The following SBF2 variants were observed in gnomAD, a reference collection of about 807,000 sequenced individuals.
SBF2 encodes SET binding factor 2.
Under a neutral mutation model 225.2 loss-of-function variants are expected in SBF2, and 112 were observed. That is an observed-to-expected ratio of 0.50 (90% CI 0.43 to 0.58). The LOEUF (loss-of-function observed/expected upper bound fraction) is 0.58, where lower values mean the gene tolerates loss of function less well. Ranked by LOEUF, SBF2 falls within the 20% of genes least tolerant of loss-of-function variation. The probability of loss-of-function intolerance (pLI) is 0.00; values close to 1 mark genes in which losing one functional copy is unlikely to be tolerated. For missense variants in SBF2, 1,996 were observed against 2,206.2 expected, an observed-to-expected ratio of 0.90 and a Z score of 1.91; for synonymous variants, 763 against 773.3, an observed-to-expected ratio of 0.99 and a Z score of 0.22.
chr11:10,196,866 A>ATATATATATTTTTTTTTTTTTT, intron 1 of SBF2, among the ~76,000 whole-genome samples: 2 of 99,314 alleles, frequency 2.0e-5, no homozygotes, highest in African/African-American at 8.1e-5. Context: ...ATATATATAT[A>ATATATATATTTTTTTTTTTTTT]TTTTTTTTTT....
intron 2 of SBF2, among the ~76,000 whole-genome samples, chr11:10,053,019 A>G (rs1353818208): frequency 6.6e-6 from 1 of 151,836 alleles, no homozygotes; most frequent in Admixed American, 6.6e-5. Flanking sequence ...GTATGTATGT[A>G]TGTGTGTGTG....
At chr11:10,076,719 T>C (rs1416831076) in intron 2 of SBF2, among the ~76,000 whole-genome samples, 1 of 152,222 alleles carries the variant, frequency 6.6e-6, no homozygotes, top group East Asian at 1.9e-4. Flanking sequence ...CCTGCTAGGC[T>C]GTGGAACCAA....
intron 2 of SBF2, 53 bp downstream of exon 2, chr11:10,193,849 G>A (rs1957271470): frequency 5.0e-6 from 6 of 1,201,668 alleles, no homozygotes; most frequent in Non-Finnish European, 7.4e-6. Context: ...AAATCAATGT[G>A]ACAAAAAAGA....
At chr11:10,023,210 C>G (rs1273692558) in intron 6 of SBF2, among the ~76,000 whole-genome samples, 1 of 152,016 alleles carries the variant, frequency 6.6e-6, no homozygotes, top group Non-Finnish European at 1.5e-5. Context: ...AGGTGACAAT[C>G]CCTTTTTAAT....
At chr11:9,852,600 T>G in intron 21 of SBF2, 76 bp downstream of exon 21, 1 of 1,067,424 alleles carries the variant, frequency 9.4e-7, no homozygotes, top group South Asian at 1.2e-5. Flanking sequence ...TGAACATCCT[T>G]TCCTGGCACA....
chr11:9,788,200 C>CAGAT (rs1285624498), intron 35 of SBF2, among the ~76,000 whole-genome samples: 1 of 152,170 alleles, frequency 6.6e-6, no homozygotes, highest in African/African-American at 2.4e-5. Flanking sequence ...CCCAAGGAAA[C>CAGAT]AGATATACCT....
At chr11:9,959,708 G>A (rs1866431720) in intron 16 of SBF2, 2 of 705,312 alleles carry the variant, frequency 2.8e-6, no homozygotes, top group Non-Finnish European at 2.7e-6. Flanking sequence ...TACATGGCCT[G>A]GACTTTCTCA....
chr11:10,242,948 A>G lies in SBF2; in HGVS notation c.56-48961T>C, dbSNP rs574295754. ...CATCCAGACAGAAGATCAAAAGAAA[A>G]TATCAAACTTGAACAACACTATAGA... On this transcript the variant is annotated intron_variant, in intron 1 of 39. Transcript: ENST00000256190. 9.2e-5 allele frequency among the ~76,000 whole-genome samples: 14 copies of G among 152,270 alleles called. No homozygotes were observed. The South Asian group carries it at 2.1e-3, about 23-fold the overall frequency.
At position 10,255,223 on chromosome 11, in the gene SBF2, A is replaced by G. The variant is rs1960768037; in HGVS notation, c.55+38792T>C. Among the ~76,000 whole-genome samples, 2 of 152,196 alleles carry G rather than the reference A, an allele frequency of 1.3e-5. 1 individual carries two copies. The highest frequency in any genetic ancestry group is 4.1e-4 in the South Asian group (2 of 4,836). ...TACTGTATTCTTGAAAAGCACTAAA[A>G]GAGTAGATTTTAAGTGTTCTCAGTA... On this transcript the variant is annotated intron_variant, in intron 1 of 39. Transcript: ENST00000256190.
chr11:10,212,130 C>A (rs1367758780), intron 1 of SBF2, among the ~76,000 whole-genome samples: 2 of 152,168 alleles, frequency 1.3e-5, no homozygotes, highest in African/African-American at 2.4e-5. Flanking sequence ...ACCATAAAGT[C>A]CATTAACCCA....
chr11:9,786,353 T>G (rs1374561967), intron 36 of SBF2, among the ~76,000 whole-genome samples: 1 of 152,218 alleles, frequency 6.6e-6, no homozygotes, highest in African/African-American at 2.4e-5. Context: ...TAACTTTCTG[T>G]GTGTTCTTTC....
intron 33 of SBF2, among the ~76,000 whole-genome samples, chr11:9,794,222 C>T (rs1852944589): frequency 6.6e-6 from 1 of 151,830 alleles, no homozygotes; most frequent in Non-Finnish European, 1.5e-5. Context: ...TGCCCCCCTG[C>T]CCACGAAACA....
intron 2 of SBF2, among the ~76,000 whole-genome samples, chr11:10,105,482 T>G (rs955393404): frequency 6.6e-6 from 1 of 152,212 alleles, no homozygotes; most frequent in Admixed American, 6.5e-5. Context: ...CTAAATAGAT[T>G]AAGTAAATGG....
chr11:10,061,240 C>T (rs1950432667), intron 2 of SBF2, among the ~76,000 whole-genome samples: 1 of 152,034 alleles, frequency 6.6e-6, no homozygotes, highest in Non-Finnish European at 1.5e-5. Flanking sequence ...ACTCACAGCC[C>T]ACATTATACA....
intron 6 of SBF2, among the ~76,000 whole-genome samples, chr11:10,013,501 A>G (rs1458459058): frequency 6.6e-6 from 1 of 152,198 alleles, no homozygotes; most frequent in Non-Finnish European, 1.5e-5. Context: ...CAATTTCCAG[A>G]GCCCTGAAAT....
intron 2 of SBF2, among the ~76,000 whole-genome samples, chr11:10,048,082 T>G (rs991673371): frequency 6.6e-6 from 1 of 152,210 alleles, no homozygotes; most frequent in Non-Finnish European, 1.5e-5. Context: ...TATCTTTATG[T>G]GTCCCTTGGT....
At chr11:9,781,236 A>G (rs769436186) in intron 39 of SBF2, among the ~76,000 whole-genome samples, 1 of 152,250 alleles carries the variant, frequency 6.6e-6, no homozygotes, top group Non-Finnish European at 1.5e-5. Flanking sequence ...ATAACTAACA[A>G]CATTTAACAA....
At chr11:10,068,436 A>G (rs1308577573) in intron 2 of SBF2, among the ~76,000 whole-genome samples, 1 of 152,080 alleles carries the variant, frequency 6.6e-6, no homozygotes, top group African/African-American at 2.4e-5. Context: ...CTGTTTTCCT[A>G]TTTCTTACCC....
upstream of SBF2, among the ~76,000 whole-genome samples, chr11:10,298,798 G>A (rs1419528288): frequency 6.6e-6 from 1 of 152,040 alleles, no homozygotes; most frequent in Non-Finnish European, 1.5e-5. Flanking sequence ...AAATATGTCC[G>A]CTTCTCTCCA....
Sources: gnomAD v4.1 joint callset for allele counts (sites outside exome capture counted in the v4.1 genomes callset) on GRCh38, gnomAD v4.1.1 for gene constraint, MANE v1.5 for transcripts, NCBI Gene and HGNC (gene_info 2026-07-23, HGNC 2026-07-21) for gene names.